The following GNS variants were observed in gnomAD, a reference collection of about 807,000 sequenced individuals.
The protein encoded by GNS is glucosamine (N-acetyl)-6-sulfatase, also known as N-acetylglucosamine-6-sulfatase.
GNS carries 40 observed loss-of-function variants against 69.7 expected under a neutral mutation model. The ratio of observed to expected loss-of-function variants is 0.57; its 90% CI spans 0.45 to 0.75. The LOEUF is 0.75. GNS is among the 30% of genes least tolerant of loss of function. GNS has a pLI of 0.00. For missense variants in GNS, 565 were observed against 685.5 expected, an observed-to-expected ratio of 0.82 and a Z score of 1.96; for synonymous variants, 243 against 251.6, an observed-to-expected ratio of 0.97 and a Z score of 0.32.
chr12:64,751,473 T>A (rs1870075876), intron 2 of GNS, among the ~76,000 whole-genome samples: 1 of 152,160 alleles, frequency 6.6e-6, no homozygotes. Context: ...CACTGTTTCA[T>A]CCCTAACAGC....
chr12:64,716,670 A>G lies in GNS; in HGVS notation c.*71T>C, dbSNP rs983471422. The G allele has an allele frequency of 2.2e-5, 22 of 1,016,106 alleles. No individual in the cohort carries two copies. The highest frequency in any genetic ancestry group is 3.1e-5 in the African/African-American group (2 of 63,526). The allele number at this position is 1,016,106 out of a possible 1,614,324, so 62.9% of individuals were successfully genotyped here. On this transcript the variant is annotated 3_prime_UTR_variant, in exon 14 of 14. Coordinates refer to ENST00000258145, the MANE Select transcript of GNS (RefSeq NM_002076.4). ...AGGTGTGGTCTTGAAGACTAGCTAC[A>G]GACACCTACTACAATCACTTCATCA...
At position 64,713,635 on chromosome 12, in the gene GNS, T is replaced by C. The variant is rs1868776056; in HGVS notation, c.*3106A>G. 1 of 152,476 alleles carries C rather than the reference T, an allele frequency of 6.6e-6. No individual in the cohort carries two copies. The highest frequency in any genetic ancestry group is 1.5e-5 in the Non-Finnish European group (1 of 68,036). 9.4% of individuals were successfully genotyped at this position (152,476 alleles called of 1,614,324 possible). A position where few individuals can be genotyped will look rare whatever the true frequency, so the allele number is the denominator to read the frequency against. ...TGGTGGTAAAACTCAAGAACCCAAC[T>C]CTACCCATCTAATTCCATTGGTGGA... On this transcript the variant is annotated 3_prime_UTR_variant, in exon 14 of 14. Transcript: ENST00000258145.
chr12:64,748,061 C>A, intron 2 of GNS, 143 bp from the exon 3 acceptor site: 1 of 671,504 alleles, frequency 1.5e-6, no homozygotes. Context: ...TTTTTTTCTA[C>A]ACATGACATG....
intron 2 of GNS, among the ~76,000 whole-genome samples, chr12:64,749,313 C>T (rs553524600): frequency 5.0e-4 from 66 of 130,696 alleles, no homozygotes; most frequent in African/African-American, 1.8e-3. Context: ...AGTGCAGTGG[C>T]GCGATCTCAG....
chr12:64,721,202 C>T (rs1453601994), intron 12 of GNS, among the ~76,000 whole-genome samples: 1 of 152,212 alleles, frequency 6.6e-6, no homozygotes, highest in Non-Finnish European at 1.5e-5. Context: ...CTGACCCCCA[C>T]TCTAATCTAT....
chr12:64,719,964 G>C (rs1050181150), intron 13 of GNS, 58 bp downstream of exon 13: 2 of 1,181,670 alleles, frequency 1.7e-6, no homozygotes, highest in East Asian at 2.3e-5. Context: ...TTGCCTTCAA[G>C]AACAGCATGT....
intron 6 of GNS, 139 bp from the exon 7 acceptor site, chr12:64,740,827 A>G: frequency 1.5e-6 from 1 of 663,606 alleles, no homozygotes; most frequent in East Asian, 2.7e-5. Flanking sequence ...TGTTTAAGCA[A>G]TTTCAGAACT....
intron 13 of GNS, among the ~76,000 whole-genome samples, chr12:64,719,709 TAAAG>T (rs1592490859): frequency 1.3e-5 from 2 of 152,088 alleles, no homozygotes; most frequent in South Asian, 2.1e-4. Flanking sequence ...GCAGCTTACT[TAAAG>T]AAGCCCCAAG....
intron 13 of GNS, among the ~76,000 whole-genome samples, chr12:64,717,248 T>C (rs1868890115): frequency 6.6e-6 from 1 of 152,170 alleles, no homozygotes; most frequent in Non-Finnish European, 1.5e-5. Flanking sequence ...AGTGCTTCCT[T>C]TAAGTGAAAA....
intron 10 of GNS, among the ~76,000 whole-genome samples, chr12:64,724,475 A>G (rs1016394317): frequency 6.6e-6 from 1 of 152,208 alleles, no homozygotes; most frequent in Non-Finnish European, 1.5e-5. Flanking sequence ...AGAGATAGGA[A>G]TTATTTCCTA....
chr12:64,729,200 C>T (rs1441834197), intron 9 of GNS, 143 bp from the exon 10 acceptor site: 3 of 681,712 alleles, frequency 4.4e-6, no homozygotes, highest in Admixed American at 2.1e-5. Flanking sequence ...TGGTCTGTTT[C>T]ATAGATCCAA....
intron 2 of GNS, among the ~76,000 whole-genome samples, chr12:64,751,944 C>T (rs1411244881): frequency 7.4e-6 from 1 of 135,880 alleles, no homozygotes; most frequent in Non-Finnish European, 1.6e-5. Context: ...GTCGAGATTG[C>T]GCCACTCAAA....
chr12:64,720,283 ATT>A, intron 12 of GNS, 101 bp from the exon 13 acceptor site: 1 of 783,226 alleles, frequency 1.3e-6, no homozygotes, highest in Admixed American at 2.0e-5. Context: ...GAGGAGGTAG[ATT>A]AAAAAAAAAA....
rs1304281267 is a variant in GNS, at chr12:64,714,483, A to C, written c.*2258T>G. 6.6e-6 allele frequency: 1 copy of C among 152,210 alleles called. No homozygotes were observed. Among genetic ancestry groups the C allele is most frequent in the Non-Finnish European group, 1.5e-5 (1 of 68,038 alleles). The allele number at this position is 152,210 out of a possible 1,614,324, so 9.4% of individuals were successfully genotyped here. On this transcript the variant is annotated 3_prime_UTR_variant, in exon 14 of 14. Transcript: ENST00000258145. ...CTTTATGAAAGATTATTTTAGCACA[A>C]ATTCAGAATGAAGCCAGTCCAAGAA...
intron 13 of GNS, 24 bp downstream of exon 13, chr12:64,719,998 T>C (rs1340517718): frequency 6.3e-7 from 1 of 1,594,044 alleles, no homozygotes; most frequent in African/African-American, 1.3e-5. Flanking sequence ...CTTGGCCAAG[T>C]AAATGAAGAG....
intron 11 of GNS, 112 bp downstream of exon 11, chr12:64,722,894 G>A (rs1231017067): frequency 2.0e-5 from 15 of 748,132 alleles, no homozygotes; most frequent in Non-Finnish European, 3.7e-5. Flanking sequence ...CACAGTCAGT[G>A]ACAAAGGAAC....
chr12:64,718,786 T>A (rs1592490449), intron 13 of GNS, among the ~76,000 whole-genome samples: 1 of 152,258 alleles, frequency 6.6e-6, no homozygotes, highest in East Asian at 1.9e-4. Flanking sequence ...TTAACTGCTA[T>A]CGACATCTAA....
In GNS at chr12:64,716,686, C is replaced by G; in HGVS notation, c.*55G>C. ...ACTAGCTACAGACACCTACTACAATCACTTCATCAGAAAGAGGCGTGCAGG... is the reference window on the plus strand; with the variant it reads ...ACTAGCTACAGACACCTACTACAATGACTTCATCAGAAAGAGGCGTGCAGG... On this transcript the variant is annotated 3_prime_UTR_variant, in exon 14 of 14. Transcript: ENST00000258145. 3 of 1,080,330 alleles carry G rather than the reference C, an allele frequency of 2.8e-6. No homozygotes were observed. Among genetic ancestry groups the G allele is most frequent in the Non-Finnish European group, 4.3e-6 (3 of 694,086 alleles). 66.9% of individuals were successfully genotyped at this position (1,080,330 alleles called of 1,614,324 possible).
chr12:64,731,719 T>C (rs1869397075), intron 9 of GNS, among the ~76,000 whole-genome samples: 1 of 152,246 alleles, frequency 6.6e-6, no homozygotes, highest in Non-Finnish European at 1.5e-5. Flanking sequence ...CCCATCAATG[T>C]GATGACTTTG....
Sources: gnomAD v4.1 joint callset for allele counts (sites outside exome capture counted in the v4.1 genomes callset) on GRCh38, gnomAD v4.1.1 for gene constraint, MANE v1.5 for transcripts, NCBI Gene and HGNC (gene_info 2026-07-23, HGNC 2026-07-21) for gene names.